Variants in PPP2R2C observed in about 807,000 individuals in gnomAD.
PPP2R2C encodes protein phosphatase 2 regulatory subunit Bgamma, also known as protein phosphatase 2, regulatory subunit B, gamma.
A neutral mutation model predicts 45.3 loss-of-function variants in PPP2R2C; 10 were observed. The ratio of observed to expected loss-of-function variants is 0.22; its 90% CI spans 0.14 to 0.37. PPP2R2C has a LOEUF of 0.37. PPP2R2C is among the 10% of genes least tolerant of loss of function. PPP2R2C has a pLI of 1.00. For missense variants in PPP2R2C, 308 were observed against 619.7 expected (o/e 0.50, Z 5.34); for synonymous variants, 257 against 245.4 (o/e 1.05, Z -0.44).
chr4:6,447,753 G>A (rs1401540832), intron 1 of PPP2R2C, among the ~76,000 whole-genome samples: 1 of 151,934 alleles, frequency 6.6e-6, no homozygotes, highest in African/African-American at 2.4e-5. Flanking sequence ...TACCTCGTAG[G>A]AACAGCGTGA....
At chr4:6,503,532 G>A (rs1723126286) in intron 2 of PPP2R2C, among the ~76,000 whole-genome samples, 1 of 152,178 alleles carries the variant, frequency 6.6e-6, no homozygotes, top group Admixed American at 6.5e-5. Flanking sequence ...GTTCATGACA[G>A]TATTCCCTGT....
chr4:6,347,795 C>T, intron 6 of PPP2R2C, 51 bp downstream of exon 6: 5 of 901,564 alleles, frequency 5.5e-6, no homozygotes, highest in Non-Finnish European at 8.3e-6. Flanking sequence ...GACATCCCAC[C>T]CGCCCGCCTG....
intron 1 of PPP2R2C, among the ~76,000 whole-genome samples, chr4:6,455,333 T>C (rs773112209): frequency 6.6e-6 from 1 of 152,192 alleles, no homozygotes; most frequent in Non-Finnish European, 1.5e-5. Context: ...TACAGGACAA[T>C]GGGCATTCAT....
intron 5 of PPP2R2C, chr4:6,348,687 C>CT: frequency 3.0e-6 from 3 of 985,364 alleles, no homozygotes; most frequent in Middle Eastern, 5.2e-4. Context: ...CCCTGCTGTG[C>CT]TGGGTGGTGT....
At chr4:6,410,421 T>C (rs1718087591) in intron 1 of PPP2R2C, among the ~76,000 whole-genome samples, 1 of 152,112 alleles carries the variant, frequency 6.6e-6, no homozygotes, top group Non-Finnish European at 1.5e-5. Context: ...GGGCATGCAC[T>C]AGGAGCAGCT....
intron 1 of PPP2R2C, among the ~76,000 whole-genome samples, chr4:6,424,863 G>A (rs895078819): frequency 7.9e-5 from 12 of 152,172 alleles, no homozygotes; most frequent in South Asian, 4.1e-4. Context: ...GGCTAAGACC[G>A]TACAGCCAGA....
At chr4:6,404,494 T>C (rs1212434373) in intron 1 of PPP2R2C, among the ~76,000 whole-genome samples, 1 of 152,158 alleles carries the variant, frequency 6.6e-6, no homozygotes, top group Non-Finnish European at 1.5e-5. Context: ...CTACACTTGG[T>C]TGAACATTTG....
chr4:6,394,076 G>C (rs1716850851), intron 1 of PPP2R2C, among the ~76,000 whole-genome samples: 1 of 152,202 alleles, frequency 6.6e-6, no homozygotes, highest in Non-Finnish European at 1.5e-5. Flanking sequence ...AGTCACCTGG[G>C]CTTCTCTCCT....
intron 1 of PPP2R2C, among the ~76,000 whole-genome samples, chr4:6,398,690 G>A (rs1717217548): frequency 6.6e-6 from 1 of 152,208 alleles, no homozygotes. Context: ...CAGCAAGGCA[G>A]TTTCTTAAAG....
chr4:6,472,132 G>T (rs970833983), intron 1 of PPP2R2C, 28 bp downstream of exon 1: 2 of 1,613,204 alleles, frequency 1.2e-6, no homozygotes, highest in Admixed American at 1.7e-5. Flanking sequence ...CGGCCGGCCG[G>T]AGGGGTCTCA....
Position 6,416,433 on chromosome 4 carries a change from C to T in PPP2R2C, c.71-35339G>A, listed in dbSNP as rs113864687. ...AGAGGCAGTCCATCAGCACAACCTG[C>T]GGATGTCCCTCCCAGCTCCTCCTGA... On this transcript the variant is annotated intron_variant, in intron 1 of 8. Coordinates refer to ENST00000382599, the MANE Select transcript of PPP2R2C (RefSeq NM_020416.4). 6.8e-3 allele frequency among the ~76,000 whole-genome samples: 1,039 copies of T among 152,340 alleles called. 15 individuals are homozygous for T. The highest frequency in any genetic ancestry group is 0.023 in the African/African-American group (974 of 41,580).
chr4:6,544,060 C>T (rs576745833), intron 1 of PPP2R2C, among the ~76,000 whole-genome samples: 11 of 152,248 alleles, frequency 7.2e-5, no homozygotes, highest in Non-Finnish European at 1.5e-4. Flanking sequence ...TGTCCCCTAC[C>T]CCAACCATCC....
chr4:6,390,361 G>C (rs1716524458), intron 1 of PPP2R2C, among the ~76,000 whole-genome samples: 1 of 152,178 alleles, frequency 6.6e-6, no homozygotes. Flanking sequence ...AGACTGCCCT[G>C]TGAAGGACTC....
upstream of PPP2R2C, chr4:6,563,703 G>A (rs1243109417): frequency 7.0e-6 from 1 of 142,818 alleles, no homozygotes; most frequent in Non-Finnish European, 1.6e-5. This position sits in a 1 kb window ranked among gnomAD's most constrained non-coding sequence, Gnocchi z 5.8. Context: ...CGGGGCGGGG[G>A]GCGGGGGGCG....
intron 2 of PPP2R2C, among the ~76,000 whole-genome samples, chr4:6,531,320 A>C (rs1429494148): frequency 6.6e-6 from 1 of 152,194 alleles, no homozygotes; most frequent in Non-Finnish European, 1.5e-5. Context: ...GTGCACCCTC[A>C]CAGAGGAAAG....
At position 6,323,183 on chromosome 4, in the gene PPP2R2C, T is replaced by C; in HGVS notation, c.*119A>G. On this transcript the variant is annotated 3_prime_UTR_variant, in exon 9 of 9. Transcript: ENST00000382599. ...CTTCCTGTGTCCACACACTGCCACCTCTGCAGCTGTCCTCATCAGTGCTGT... is the reference window on the plus strand; with the variant it reads ...CTTCCTGTGTCCACACACTGCCACCCCTGCAGCTGTCCTCATCAGTGCTGT... 1 of 1,233,866 alleles carries C rather than the reference T, an allele frequency of 8.1e-7. No individual in the cohort carries two copies. The highest frequency in any genetic ancestry group is 1.1e-6 in the Non-Finnish European group (1 of 918,118). The allele number at this position is 1,233,866 out of a possible 1,614,324, so 76.4% of individuals were successfully genotyped here.
intron 1 of PPP2R2C, among the ~76,000 whole-genome samples, chr4:6,458,407 C>T (rs62284522): frequency 0.18 from 27,821 of 152,112 alleles, 2,725 homozygotes; most frequent in East Asian, 0.38. Context: ...TCAAACAGTG[C>T]CTTCTCGCTG....
chr4:6,415,381 T>C (rs867412989), intron 1 of PPP2R2C, among the ~76,000 whole-genome samples: 5 of 152,254 alleles, frequency 3.3e-5, no homozygotes, highest in Non-Finnish European at 7.3e-5. Flanking sequence ...GTTTCTGCTT[T>C]TTTAAAGCAA....
At position 6,563,330 on chromosome 4, in the gene PPP2R2C, A is replaced by G. The variant is rs1043062615; in HGVS notation, c.-59+230T>C. Among the ~76,000 whole-genome samples, 6 of 151,818 alleles carry G rather than the reference A, an allele frequency of 4.0e-5. No individual in the cohort carries two copies. The highest frequency in any genetic ancestry group is 1.5e-4 in the African/African-American group (6 of 41,312). On this transcript the variant is annotated intron_variant, in intron 1 of 9. Transcript: ENST00000506140. This position sits in a 1 kb window ranked among gnomAD's most constrained non-coding sequence, Gnocchi z 5.8. ...CTCCGGAGGGACCCCGGCACTTCGG[A>G]CCCTAGCAGAGCCAGCCCTGCCCCA...
Sources: gnomAD v4.1 joint callset for allele counts (sites outside exome capture counted in the v4.1 genomes callset) on GRCh38, gnomAD v4.1.1 for gene constraint, Gnocchi (gnomAD v3.1) non-coding constraint, MANE v1.5 for transcripts, NCBI Gene and HGNC (gene_info 2026-07-23, HGNC 2026-07-21) for gene names.